Variants in RALGAPA1 observed in about 807,000 individuals in gnomAD.
The protein encoded by RALGAPA1 is Ral GTPase activating protein catalytic subunit alpha 1, also known as ral GTPase-activating protein subunit alpha-1.
Under a neutral mutation model 269.6 loss-of-function variants are expected in RALGAPA1, and 52 were observed. That is an observed-to-expected ratio of 0.19 (90% CI 0.15 to 0.24). The LOEUF (loss-of-function observed/expected upper bound fraction) is 0.24. Among genes scored for constraint, RALGAPA1 ranks in the 10% least tolerant of loss-of-function variants. RALGAPA1 has a pLI of 1.00. For missense variants in RALGAPA1, 1,917 were observed against 3,013.9 expected (o/e 0.64, Z 8.52); for synonymous variants, 817 against 1,008.3 (o/e 0.81, Z 3.60).
chr14:35,587,248 G>C (rs540264515), intron 37 of RALGAPA1, among the ~76,000 whole-genome samples: 1 of 152,244 alleles, frequency 6.6e-6, no homozygotes, highest in Non-Finnish European at 1.5e-5. Context: ...GTTTATTTGC[G>C]TAGAGGTGTT....
chr14:35,754,944 T>C (rs1409975941), intron 7 of RALGAPA1, among the ~76,000 whole-genome samples: 1 of 152,194 alleles, frequency 6.6e-6, no homozygotes. Context: ...ATGTACCCTA[T>C]GATTATATTT....
At chr14:35,774,196 T>G (rs115668248) in intron 3 of RALGAPA1, among the ~76,000 whole-genome samples, 1 of 152,114 alleles carries the variant, frequency 6.6e-6, no homozygotes, top group African/African-American at 2.4e-5. Flanking sequence ...AGGGATTACT[T>G]TGAACCACCA....
chr14:35,790,004 A>G (rs1016421759), intron 1 of RALGAPA1, among the ~76,000 whole-genome samples: 1 of 152,214 alleles, frequency 6.6e-6, no homozygotes, highest in Non-Finnish European at 1.5e-5. Context: ...CTGTAATCCC[A>G]GCACTTTGGG....
intron 16 of RALGAPA1, 50 bp downstream of exon 16, chr14:35,721,638 C>T: frequency 6.8e-7 from 1 of 1,469,996 alleles, no homozygotes; most frequent in Non-Finnish European, 9.2e-7. Context: ...TTACCAAGGA[C>T]TATAAATGTA....
At chr14:35,768,049 A>T (rs1207529396) in intron 4 of RALGAPA1, among the ~76,000 whole-genome samples, 1 of 151,826 alleles carries the variant, frequency 6.6e-6, no homozygotes, top group African/African-American at 2.4e-5. Flanking sequence ...TGCTGGGATT[A>T]TAGGCATGAG....
chr14:35,600,232 CTTTTT>C (rs71124708), intron 36 of RALGAPA1, among the ~76,000 whole-genome samples: 1 of 86,948 alleles, frequency 1.2e-5, no homozygotes, highest in Non-Finnish European at 2.3e-5. Flanking sequence ...TTCTTTTTTT[CTTTTT>C]TTTTTTTTTT....
intron 39 of RALGAPA1, among the ~76,000 whole-genome samples, chr14:35,558,090 A>G (rs892027973): frequency 6.6e-6 from 1 of 152,186 alleles, no homozygotes; most frequent in Non-Finnish European, 1.5e-5. Context: ...ATATCAGCGC[A>G]TACAATATTT....
chr14:35,740,007 C>A (rs2071400477), intron 11 of RALGAPA1, among the ~76,000 whole-genome samples: 1 of 152,142 alleles, frequency 6.6e-6, no homozygotes. Context: ...CTCTACGCTG[C>A]AGCCAAATAA....
chr14:35,558,230 A>C (rs1452670395), intron 39 of RALGAPA1, among the ~76,000 whole-genome samples: 5 of 152,308 alleles, frequency 3.3e-5, no homozygotes, highest in South Asian at 2.1e-4. Context: ...ATTTAACCTT[A>C]AGATGTGCTG....
At chr14:35,547,494 T>C (rs1344331485) in intron 41 of RALGAPA1, among the ~76,000 whole-genome samples, 1 of 152,160 alleles carries the variant, frequency 6.6e-6, no homozygotes, top group Non-Finnish European at 1.5e-5. Flanking sequence ...GGTTCTATTA[T>C]CAATATTTTT....
At chr14:35,697,965 T>A (rs2067030789) in intron 17 of RALGAPA1, among the ~76,000 whole-genome samples, 1 of 152,200 alleles carries the variant, frequency 6.6e-6, no homozygotes, top group Admixed American at 6.5e-5. Context: ...GCATCTGAAG[T>A]TGTCAATAAA....
chr14:35,762,339 T>C (rs529759546), intron 5 of RALGAPA1, among the ~76,000 whole-genome samples: 2 of 152,246 alleles, frequency 1.3e-5, no homozygotes, highest in South Asian at 4.1e-4. Context: ...CACTGCAACC[T>C]CTGCCTCCAG....
chr14:35,795,767 G>A (rs1050101539), intron 1 of RALGAPA1, among the ~76,000 whole-genome samples: 207 of 151,012 alleles, frequency 1.4e-3, no homozygotes, highest in African/African-American at 4.9e-3. Flanking sequence ...TTGAGACCAG[G>A]AGCTTGAGGC....
intron 36 of RALGAPA1, among the ~76,000 whole-genome samples, chr14:35,602,453 T>G (rs1007815560): frequency 6.6e-6 from 1 of 152,198 alleles, no homozygotes; most frequent in African/African-American, 2.4e-5. Context: ...GGGTTCAGAT[T>G]GCTCCTAATC....
intron 16 of RALGAPA1, among the ~76,000 whole-genome samples, chr14:35,717,534 G>A (rs746207348): frequency 3.3e-5 from 5 of 151,962 alleles, no homozygotes; most frequent in African/African-American, 4.8e-5. Context: ...GTACTTCCAC[G>A]TAATTATGAT....
intron 16 of RALGAPA1, among the ~76,000 whole-genome samples, chr14:35,713,751 A>G (rs2068565032): frequency 6.6e-6 from 1 of 152,192 alleles, no homozygotes; most frequent in Non-Finnish European, 1.5e-5. Flanking sequence ...TGAGAATAGG[A>G]AATAAACTGC....
chr14:35,570,201 C>T (rs188664904), intron 39 of RALGAPA1, among the ~76,000 whole-genome samples: 17 of 149,606 alleles, frequency 1.1e-4, no homozygotes, highest in East Asian at 2.0e-4. Context: ...ACCCCAGAGT[C>T]GGAGGTTGCA....
intron 1 of RALGAPA1, 131 bp downstream of exon 1, chr14:35,808,599 G>GC: frequency 1.1e-6 from 1 of 896,242 alleles, no homozygotes; most frequent in Non-Finnish European, 1.7e-6. Context: ...TCACCCTCCC[G>GC]CGTCTCCGCA....
intron 26 of RALGAPA1, among the ~76,000 whole-genome samples, chr14:35,667,585 C>A (rs1183269492): frequency 6.6e-6 from 1 of 151,970 alleles, no homozygotes; most frequent in African/African-American, 2.4e-5. Flanking sequence ...AGGATGGGGT[C>A]TGAGATTCTG....
Sources: allele counts gnomAD v4.1 joint callset (sites outside exome capture counted in the v4.1 genomes callset), GRCh38; gene constraint gnomAD v4.1.1; transcripts MANE v1.5; gene names NCBI Gene and HGNC (gene_info 2026-07-23, HGNC 2026-07-21).